Variants in ANKRD55 observed in about 807,000 individuals in gnomAD.
ANKRD55 encodes the protein ankyrin repeat domain-containing protein 55.
A neutral mutation model predicts 60.6 loss-of-function variants in ANKRD55; 41 were observed. That is an observed-to-expected ratio of 0.68 (90% CI 0.53 to 0.88). ANKRD55 has a LOEUF of 0.88. ANKRD55 is among the 40% of genes least tolerant of loss of function. ANKRD55 has a pLI of 0.00. For missense variants in ANKRD55, 732 were observed against 767.6 expected (o/e 0.95, Z 0.55); for synonymous variants, 264 against 290.3 (o/e 0.91, Z 0.92).
Position 56,131,593 on chromosome 5 carries a change from C to T in ANKRD55, c.613-4487G>A, listed in dbSNP as rs561650490. ...GGTGGATCACCTGAGATCAGGAGTT[C>T]GAGACCAGCCTGATCAATATGGAGA... is the stretch of plus-strand genomic sequence containing the variant. On this transcript the variant is annotated intron_variant, in intron 7 of 11. Transcript: ENST00000341048. Among the ~76,000 whole-genome samples the T allele has an allele frequency of 1.8e-4, 28 of 151,662 alleles. 1 individual carries two copies. Among genetic ancestry groups the T allele is most frequent in the South Asian group, 6.2e-4 (3 of 4,808 alleles).
At chr5:56,173,828 G>A (rs1758677837) in intron 4 of ANKRD55, among the ~76,000 whole-genome samples, 1 of 152,058 alleles carries the variant, frequency 6.6e-6, no homozygotes, top group Non-Finnish European at 1.5e-5. Flanking sequence ...TTACAGGCGT[G>A]AGCCACCGTG....
At chr5:56,175,492 T>A (rs969227699) in intron 4 of ANKRD55, among the ~76,000 whole-genome samples, 4 of 151,888 alleles carry the variant, frequency 2.6e-5, no homozygotes, top group Admixed American at 6.6e-5. Flanking sequence ...GCAGGAAGAG[T>A]TTGAGAGGAG....
At chr5:56,122,165 C>T (rs114772750) in intron 8 of ANKRD55, among the ~76,000 whole-genome samples, 2,093 of 152,102 alleles carry the variant, frequency 0.014, 40 homozygotes, top group Admixed American at 0.041. Context: ...AGATTTATAG[C>T]TGCTCTGTGC....
intron 2 of ANKRD55, among the ~76,000 whole-genome samples, chr5:56,226,302 C>G (rs1007742057): frequency 2.6e-5 from 4 of 152,136 alleles, no homozygotes; most frequent in African/African-American, 9.7e-5. Context: ...ACACTGGATC[C>G]CTTCCTTACA....
intron 10 of ANKRD55, among the ~76,000 whole-genome samples, chr5:56,103,471 A>G (rs1377685123): frequency 6.6e-6 from 1 of 152,212 alleles, no homozygotes; most frequent in Non-Finnish European, 1.5e-5. Context: ...TCCATTTTAA[A>G]ATTGACTGGA....
At chr5:56,168,056 G>A (rs114729098) in intron 5 of ANKRD55, among the ~76,000 whole-genome samples, 1,534 of 152,296 alleles carry the variant, frequency 0.01, 27 homozygotes, top group African/African-American at 0.035. Context: ...TGGATTGGAG[G>A]CATTGTTGGG....
chr5:56,158,454 C>G (rs1758249182), intron 6 of ANKRD55, among the ~76,000 whole-genome samples: 1 of 152,092 alleles, frequency 6.6e-6, no homozygotes, highest in Non-Finnish European at 1.5e-5. Flanking sequence ...AAAATTAGTA[C>G]TGCATTTTAA....
At chr5:56,115,232 A>G (rs920613377) in intron 9 of ANKRD55, among the ~76,000 whole-genome samples, 26 of 150,920 alleles carry the variant, frequency 1.7e-4, no homozygotes, top group African/African-American at 6.1e-4. Context: ...AAATAAATAA[A>G]TAAATAAGCA....
intron 2 of ANKRD55, among the ~76,000 whole-genome samples, chr5:56,226,921 A>T (rs1333254010): frequency 6.6e-6 from 1 of 152,212 alleles, no homozygotes; most frequent in Non-Finnish European, 1.5e-5. Flanking sequence ...ATTGTGGAAG[A>T]CAGTGTGGTG....
intron 7 of ANKRD55, among the ~76,000 whole-genome samples, chr5:56,132,181 A>G (rs944680811): frequency 6.6e-6 from 1 of 152,076 alleles, no homozygotes; most frequent in Admixed American, 6.6e-5. Context: ...GATTTCGATT[A>G]GTTGTAAACA....
chr5:56,115,821 T>A (rs1319865810), intron 9 of ANKRD55, among the ~76,000 whole-genome samples: 1 of 152,142 alleles, frequency 6.6e-6, no homozygotes, highest in Non-Finnish European at 1.5e-5. Flanking sequence ...TGGATAACAA[T>A]GCATATTTTA....
intron 2 of ANKRD55, among the ~76,000 whole-genome samples, chr5:56,212,938 A>C (rs1437879159): frequency 4.6e-5 from 7 of 152,254 alleles, no homozygotes; most frequent in African/African-American, 1.7e-4. Context: ...AATTCATTAC[A>C]TGAAAATATA....
At chr5:56,142,704 G>A (rs1172548639) in intron 7 of ANKRD55, among the ~76,000 whole-genome samples, 1 of 152,212 alleles carries the variant, frequency 6.6e-6, no homozygotes, top group Admixed American at 6.5e-5. Flanking sequence ...CCGCTACAGT[G>A]GTGACCCCTG....
At chr5:56,157,504 C>T (rs1193425373) in intron 6 of ANKRD55, among the ~76,000 whole-genome samples, 2 of 152,204 alleles carry the variant, frequency 1.3e-5, no homozygotes, top group African/African-American at 4.8e-5. Flanking sequence ...CTGCTCCTCC[C>T]TGGGCAATGG....
intron 5 of ANKRD55, among the ~76,000 whole-genome samples, chr5:56,166,190 C>T (rs1758474415): frequency 8.8e-6 from 1 of 113,040 alleles, no homozygotes; most frequent in African/African-American, 4.5e-5. Flanking sequence ...TCCTTCCTTC[C>T]TTCCTTCCTT....
chr5:56,176,267 A>G lies in ANKRD55; in HGVS notation c.197T>C (p.Met66Thr). Residue 66 changes from methionine to threonine, a missense_variant, in exon 4 of 12, where the codon ATG (methionine) becomes ACG (threonine). Coordinates refer to ENST00000341048, the MANE Select transcript of ANKRD55 (RefSeq NM_024669.3). ...CCDSEGCTPLMHAVSGRQADT... is the reference protein window; with the variant it reads ...CCDSEGCTPLTHAVSGRQADT... ...CGCTTGACGTCCAGAAACCGCATGC[A>G]TCAAGGGCGTGCATCCTGGAATGAG... 1 of 1,614,228 alleles carries G rather than the reference A, an allele frequency of 6.2e-7. No homozygotes were observed. Among genetic ancestry groups the G allele is most frequent in the Non-Finnish European group, 8.5e-7 (1 of 1,180,046 alleles).
intron 2 of ANKRD55, among the ~76,000 whole-genome samples, chr5:56,208,475 A>G (rs565458195): frequency 6.6e-6 from 1 of 152,162 alleles, no homozygotes; most frequent in African/African-American, 2.4e-5. Flanking sequence ...CCCAGGCTGG[A>G]GTGCAGTGGC....
At chr5:56,129,903 C>T (rs143804499) in intron 7 of ANKRD55, among the ~76,000 whole-genome samples, 2 of 152,182 alleles carry the variant, frequency 1.3e-5, no homozygotes, top group African/African-American at 4.8e-5. Context: ...AGAAGATGAT[C>T]CTGGCTCATC....
chr5:56,129,377 T>C (rs1307758933), intron 7 of ANKRD55, among the ~76,000 whole-genome samples: 1 of 152,204 alleles, frequency 6.6e-6, no homozygotes, highest in African/African-American at 2.4e-5. Context: ...CAGATGATGA[T>C]TGTGAGTTTG....
Sources: allele counts gnomAD v4.1 joint callset (sites outside exome capture counted in the v4.1 genomes callset), GRCh38; gene constraint gnomAD v4.1.1; transcripts MANE v1.5; gene names NCBI Gene and HGNC (gene_info 2026-07-23, HGNC 2026-07-21).